The following ACOD1 variants were observed in gnomAD, a reference collection of about 807,000 sequenced individuals.
ACOD1 encodes the protein cis-aconitate decarboxylase.
A neutral mutation model predicts 14.2 loss-of-function variants in ACOD1; 14 were observed. The ratio of observed to expected loss-of-function variants is 0.99; its 90% confidence interval spans 0.65 to 1.54. The LOEUF (loss-of-function observed/expected upper bound fraction) is 1.54, where lower values mean the gene tolerates loss of function less well. Among genes scored for constraint, ACOD1 ranks in the 40% most tolerant of loss-of-function variants. The pLI, the probability that ACOD1 is intolerant of heterozygous loss-of-function variation, is 0.00. For missense variants in ACOD1, 530 were observed against 586.3 expected (o/e 0.90, Z 0.99); for synonymous variants, 182 against 221.7 (o/e 0.82, Z 1.59).
At chr13:76,953,754 T>G in intron 3 of ACOD1, 65 bp downstream of exon 3, 2 of 1,040,094 alleles carry the variant, frequency 1.9e-6, no homozygotes, top group Non-Finnish European at 1.5e-6. Context: ...TCAGGAAATA[T>G]CTCAGAAATT....
At chr13:76,956,377 T>A (rs538323215) in intron 4 of ACOD1, among the ~76,000 whole-genome samples, 2 of 152,056 alleles carry the variant, frequency 1.3e-5, no homozygotes, top group East Asian at 3.9e-4. Flanking sequence ...AATTTTTGTA[T>A]TTTTAGTAGA....
intron 1 of ACOD1, among the ~76,000 whole-genome samples, chr13:76,949,006 C>T (rs760006335): frequency 1.3e-5 from 2 of 152,186 alleles, no homozygotes; most frequent in Non-Finnish European, 2.9e-5. Flanking sequence ...TGGCTCAGGC[C>T]TGTAATCCCA....
rs751590642 is a variant in ACOD1, at chr13:76,955,449, T to G, written c.395T>G (p.Leu132Arg). 1 of 1,550,688 alleles carries G rather than the reference T, an allele frequency of 6.4e-7. No individual in the cohort carries two copies. Among genetic ancestry groups the G allele is most frequent in the South Asian group, 1.2e-5 (1 of 84,064 alleles). The change falls in exon 4 of 5, where the codon CTG (leucine) becomes CGG (arginine). Residue 132 changes from leucine (L) to arginine (R), a missense_variant. Leu to Arg is a moderately radical substitution (Grantham distance 102). Coordinates refer to ENST00000377462, the MANE Select transcript of ACOD1 (RefSeq NM_001258406.2). ...AAGTTTTCTGGCCTTGACCTGCTGC[T>G]GGCTTTCAATGTTGGTATTGAAGTG... Reference protein sequence around the residue: ...SPKFSGLDLLLAFNVGIEVQG... With the variant: ...SPKFSGLDLLRAFNVGIEVQG...
chr13:76,956,034 T>C (rs1452871776), intron 4 of ACOD1, among the ~76,000 whole-genome samples: 1 of 152,210 alleles, frequency 6.6e-6, no homozygotes, highest in Non-Finnish European at 1.5e-5. Context: ...AGGCCCACAA[T>C]TCTCACAGTG....
chr13:76,954,817 G>A (rs1485684776), intron 3 of ACOD1, among the ~76,000 whole-genome samples: 2 of 152,088 alleles, frequency 1.3e-5, no homozygotes, highest in East Asian at 3.9e-4. Context: ...ATTTCCCAGT[G>A]CCCGGCCATG....
intron 1 of ACOD1, 48 bp downstream of exon 1, chr13:76,948,618 C>T (rs772159409): frequency 2.1e-5 from 30 of 1,462,774 alleles, no homozygotes; most frequent in Non-Finnish European, 6.5e-6. Context: ...TTCTAGCAGA[C>T]TTCTTCCTTC....
chr13:76,955,641 A>G, intron 4 of ACOD1, 117 bp downstream of exon 4: 1 of 848,700 alleles, frequency 1.2e-6, no homozygotes, highest in Non-Finnish European at 1.8e-6. Context: ...TAACATTAGC[A>G]CAGGTAGATA....
intron 3 of ACOD1, among the ~76,000 whole-genome samples, chr13:76,954,944 T>C (rs1300006698): frequency 6.6e-6 from 1 of 151,862 alleles, no homozygotes; most frequent in Non-Finnish European, 1.5e-5. Flanking sequence ...CTGGCCAACA[T>C]AGTGAAACTC....
rs922195102 is a variant in ACOD1, at chr13:76,948,531, C to T, written c.-28C>T. On this transcript the variant is annotated 5_prime_UTR_variant, in exon 1 of 5. Transcript: ENST00000377462. ...AAATTACTCCTCTGGTTCACTCCTCCTGAACTGAACCTCTTCTTTACAACG... is the reference window on the plus strand; with the variant it reads ...AAATTACTCCTCTGGTTCACTCCTCTTGAACTGAACCTCTTCTTTACAACG... 1 of 1,546,318 alleles carries T rather than the reference C, an allele frequency of 6.5e-7. No individual in the cohort carries two copies. Among genetic ancestry groups the T allele is most frequent in the African/African-American group, 1.4e-5 (1 of 72,982 alleles).
At chr13:76,952,336 T>C (rs2033830156) in intron 1 of ACOD1, 153 bp from the exon 2 acceptor site, 1 of 637,986 alleles carries the variant, frequency 1.6e-6, no homozygotes, top group Non-Finnish European at 2.6e-6. Flanking sequence ...GTACACATCT[T>C]TTTTTTTTTA....
In ACOD1 at chr13:76,957,494, G is replaced by A. The variant is rs1164822121; in HGVS notation, c.955G>A (p.Val319Ile). Reference protein sequence around the residue: ...IVLRIPNVQYVNRPFPVSEHE... With the variant: ...IVLRIPNVQYINRPFPVSEHE... ...GCTCAGGATACCAAATGTCCAGTAT[G>A]TAAACAGGCCCTTTCCAGTTTCGGA... The change falls in exon 5 of 5, where the codon GTA becomes ATA. Residue 319 changes from valine to isoleucine, a missense_variant. Val to Ile is a conservative substitution (Grantham distance 29, BLOSUM62 3). Transcript: ENST00000377462. 5 of 1,550,632 alleles carry A rather than the reference G, an allele frequency of 3.2e-6. No homozygotes were observed. Among genetic ancestry groups the A allele is most frequent in the East Asian group, 4.9e-5 (2 of 40,922 alleles).
chr13:76,954,302 G>C (rs1235047554), intron 3 of ACOD1, among the ~76,000 whole-genome samples: 1 of 152,068 alleles, frequency 6.6e-6, no homozygotes, highest in Non-Finnish European at 1.5e-5. Context: ...TAAAGCCAAC[G>C]GTGCATTCCA....
chr13:76,953,608 T>G lies in ACOD1; in HGVS notation c.183T>G (p.Ser61Arg), dbSNP rs192457026. The G allele has an allele frequency of 1.1e-3, 1,753 of 1,544,678 alleles. 9 individuals are homozygous for G. Among genetic ancestry groups the G allele is most frequent in the East Asian group, 7.3e-4 (30 of 40,836 alleles). The change falls in exon 3 of 5, where the codon AGT becomes AGG. Residue 61 changes from serine to arginine, a missense_variant. By Grantham distance (110) the Ser-to-Arg change is moderately radical. Coordinates refer to ENST00000377462, the MANE Select transcript of ACOD1 (RefSeq NM_001258406.2). ...HIASQYSKIYSSNISSTVWGQ... is the reference protein window; with the variant it reads ...HIASQYSKIYRSNISSTVWGQ... ...ATTTGCTTTTGTTCCAGATCTACAG[T>G]TCCAACATATCCAGCACTGTTTGGG...
intron 1 of ACOD1, 86 bp downstream of exon 1, chr13:76,948,656 T>G: frequency 9.1e-7 from 1 of 1,102,332 alleles, no homozygotes; most frequent in South Asian, 1.4e-5. Flanking sequence ...CCCTCTCCTT[T>G]TAAGAACTAC....
chr13:76,953,507 G>A (rs914042736), intron 2 of ACOD1, 93 bp from the exon 3 acceptor site: 4 of 752,950 alleles, frequency 5.3e-6, no homozygotes, highest in Non-Finnish European at 9.2e-6. Context: ...TAAGAACTAT[G>A]AATAATGCCT....
intron 1 of ACOD1, among the ~76,000 whole-genome samples, chr13:76,949,004 G>A (rs529651072): frequency 2.0e-4 from 30 of 152,166 alleles, no homozygotes; most frequent in Non-Finnish European, 2.5e-4. Flanking sequence ...AGTGGCTCAG[G>A]CCTGTAATCC....
rs561033817 is a variant in ACOD1, at chr13:76,957,222, G to A, written c.683G>A (p.Gly228Asp). The change falls in exon 5 of 5, where the codon GGT becomes GAT. Residue 228 changes from glycine (G) to aspartate (D), a missense_variant. Transcript: ENST00000377462. ...GIEAAFLAML[G>D]LQGNKQVLDL... ...GAAGCTGCATTTTTGGCAATGTTGG[G>A]TCTCCAAGGAAACAAGCAGGTCTTG... The A allele has an allele frequency of 6.4e-7, 1 of 1,550,632 alleles. No homozygotes were observed. Among genetic ancestry groups the A allele is most frequent in the African/African-American group, 1.4e-5 (1 of 73,188 alleles).
rs1264736875 is a variant in ACOD1 at position 76,957,552 on chromosome 13, C to T, written c.1013C>T (p.Ala338Val). The T allele has an allele frequency of 1.3e-6, 2 of 1,550,474 alleles. No homozygotes were observed. Among genetic ancestry groups the T allele is most frequent in the Non-Finnish European group, 1.7e-6 (2 of 1,147,002 alleles). The change falls in exon 5 of 5, where the codon GCC becomes GTC. Residue 338 changes from alanine to valine, a missense_variant. Transcript: ENST00000377462. ...HEARHSFQYV[A>V]CAMLLDGGIT... ...GCCCGTCATTCATTCCAGTATGTGGCCTGTGCCATGCTGCTTGATGGTGGC... is the reference window on the plus strand; with the variant it reads ...GCCCGTCATTCATTCCAGTATGTGGTCTGTGCCATGCTGCTTGATGGTGGC...
intron 1 of ACOD1, among the ~76,000 whole-genome samples, chr13:76,950,213 G>A (rs2033809311): frequency 6.6e-6 from 1 of 152,066 alleles, no homozygotes; most frequent in Admixed American, 6.6e-5. Context: ...TAATCCAATA[G>A]CCCCTCACCC....
Sources: gnomAD v4.1 joint callset for allele counts (sites outside exome capture counted in the v4.1 genomes callset) on GRCh38, gnomAD v4.1.1 for gene constraint, MANE v1.5 for transcripts, NCBI Gene and HGNC (gene_info 2026-07-23, HGNC 2026-07-21) for gene names.